Variants in LAMA2 observed in about 807,000 individuals in gnomAD.
LAMA2 encodes the protein laminin subunit alpha-2.
Under a neutral mutation model 364.8 loss-of-function variants are expected in LAMA2, and 269 were observed. That is an observed-to-expected ratio of 0.74 (90% confidence interval 0.67 to 0.82). LAMA2 has a LOEUF of 0.82. Ranked by LOEUF, LAMA2 falls within the 40% of genes least tolerant of loss-of-function variation. The pLI, the probability that LAMA2 is intolerant of heterozygous loss-of-function variation, is 0.00. For missense variants in LAMA2, 3,807 were observed against 3,873.2 expected (o/e 0.98, Z 0.45); for synonymous variants, 1,379 against 1,370.6 (o/e 1.01, Z -0.14).
At chr6:129,219,448 A>T (rs1783646561) in intron 12 of LAMA2, among the ~76,000 whole-genome samples, 1 of 151,840 alleles carries the variant, frequency 6.6e-6, no homozygotes, top group South Asian at 2.1e-4. Context: ...AACTTGAAAT[A>T]CCATTTGACC....
intron 10 of LAMA2, among the ~76,000 whole-genome samples, chr6:129,186,815 C>T (rs1011841956): frequency 3.3e-5 from 5 of 151,758 alleles, no homozygotes; most frequent in Non-Finnish European, 7.4e-5. Context: ...TATCGTGACT[C>T]TATTTCTCCA....
chr6:129,004,249 G>C (rs1415804962), intron 1 of LAMA2, among the ~76,000 whole-genome samples: 1 of 47,854 alleles, frequency 2.1e-5, no homozygotes, highest in African/African-American at 1.6e-4. Flanking sequence ...TCTGGGGACT[G>C]TGGTGGGGTC....
chr6:129,507,590 T>C lies in LAMA2; in HGVS notation c.8805T>C (p.Phe2935=). 1 of 1,614,214 alleles carries C rather than the reference T, an allele frequency of 6.2e-7. No homozygotes were observed. The highest frequency in any genetic ancestry group is 8.5e-7 in the Non-Finnish European group (1 of 1,180,010). The change falls in exon 62 of 65, where the codon TTT becomes TTC. Residue 2935 remains phenylalanine (F), a synonymous_variant. Transcript: ENST00000421865. ...PTSSFHVGTC[F]ANAQRGTYFD... Reference sequence around the variant, plus strand: ...CCAGCTTCCATGTTGGGACATGTTTTGCAAATGCTCAGAGGGGAACATATT... The same window carrying C: ...CCAGCTTCCATGTTGGGACATGTTTCGCAAATGCTCAGAGGGGAACATATT...
At chr6:129,107,149 C>T (rs1775879351) in intron 4 of LAMA2, among the ~76,000 whole-genome samples, 1 of 152,044 alleles carries the variant, frequency 6.6e-6, no homozygotes, top group Admixed American at 6.6e-5. Context: ...GGGGAATTAC[C>T]TGGATTTGGC....
intron 15 of LAMA2, among the ~76,000 whole-genome samples, chr6:129,266,692 T>C (rs1055329821): frequency 3.9e-5 from 6 of 152,152 alleles, no homozygotes; most frequent in African/African-American, 1.4e-4. Flanking sequence ...AGAATCAAAA[T>C]TGCTTGGGAT....
chr6:129,307,977 G>T (rs1295971395), intron 22 of LAMA2, among the ~76,000 whole-genome samples: 1 of 152,160 alleles, frequency 6.6e-6, no homozygotes, highest in Admixed American at 6.5e-5. Context: ...AGTTAGCACA[G>T]ATGAAATAAT....
Position 128,927,722 on chromosome 6 carries a change from A to G in LAMA2, c.112+44365A>G, listed in dbSNP as rs537546580. 8.5e-5 allele frequency among the ~76,000 whole-genome samples: 13 copies of G among 152,236 alleles called. No homozygotes were observed. In the South Asian group the frequency reaches 1.9e-3, roughly 22 times the overall value. ...GATCCCTATCTTTCTTCCCGTTACT[A>G]TATCAGTGAGCAAGGTCTTGATTCT... is the stretch of plus-strand genomic sequence containing the variant. On this transcript the variant is annotated intron_variant, in intron 1 of 64. Coordinates refer to ENST00000421865, the MANE Select transcript of LAMA2 (RefSeq NM_000426.4).
At chr6:129,294,188 C>G (rs113926742) in intron 20 of LAMA2, among the ~76,000 whole-genome samples, 4 of 152,262 alleles carry the variant, frequency 2.6e-5, no homozygotes, top group African/African-American at 9.6e-5. Flanking sequence ...CTTGGCCAAG[C>G]CAATGGGATA....
chr6:129,105,936 A>G (rs1775794771), intron 4 of LAMA2, among the ~76,000 whole-genome samples: 1 of 152,174 alleles, frequency 6.6e-6, no homozygotes, highest in Non-Finnish European at 1.5e-5. Context: ...CTAGACTGCT[A>G]GCTAAATATT....
At chr6:129,075,704 A>C (rs1352410533) in intron 3 of LAMA2, among the ~76,000 whole-genome samples, 1 of 152,134 alleles carries the variant, frequency 6.6e-6, no homozygotes, top group Non-Finnish European at 1.5e-5. Flanking sequence ...TGGCCTGAAG[A>C]AATTTTCCTG....
chr6:129,127,847 AT>A (rs113465472), intron 4 of LAMA2, among the ~76,000 whole-genome samples: 5,868 of 150,416 alleles, frequency 0.039, 385 homozygotes, highest in African/African-American at 0.14. Context: ...CTCATTTTTA[AT>A]TTTTTTTTCT....
chr6:129,262,409 A>G (rs917594766), intron 15 of LAMA2, among the ~76,000 whole-genome samples: 1 of 152,064 alleles, frequency 6.6e-6, no homozygotes. Context: ...GTGGAGAGAG[A>G]TGCAAAGTGT....
At chr6:129,100,555 A>G (rs1294631632) in intron 4 of LAMA2, among the ~76,000 whole-genome samples, 1 of 152,200 alleles carries the variant, frequency 6.6e-6, no homozygotes, top group Admixed American at 6.5e-5. Context: ...CAGCTCAATG[A>G]TAATATAACT....
chr6:129,249,052 T>C (rs1252053899), intron 12 of LAMA2, among the ~76,000 whole-genome samples: 1 of 152,194 alleles, frequency 6.6e-6, no homozygotes, highest in Non-Finnish European at 1.5e-5. Context: ...TAAAATCCTG[T>C]TTAATCAGCC....
At chr6:129,010,019 A>G (rs141261081) in intron 1 of LAMA2, among the ~76,000 whole-genome samples, 12 of 152,296 alleles carry the variant, frequency 7.9e-5, no homozygotes, top group African/African-American at 2.6e-4. Context: ...TTTCAATGTT[A>G]TTCTGCAGCA....
chr6:129,430,247 A>G (rs1030463051), intron 41 of LAMA2, among the ~76,000 whole-genome samples: 3 of 152,168 alleles, frequency 2.0e-5, no homozygotes, highest in African/African-American at 4.8e-5. Flanking sequence ...AGATTTAGTC[A>G]TTTCTCTCTC....
At chr6:129,099,009 C>T (rs996942674) in intron 4 of LAMA2, among the ~76,000 whole-genome samples, 1 of 152,008 alleles carries the variant, frequency 6.6e-6, no homozygotes, top group Non-Finnish European at 1.5e-5. Flanking sequence ...CAGTGTCTGT[C>T]ATCCTGTGGT....
Position 129,378,054 on chromosome 6 carries a change from A to T in LAMA2, c.4960-5068A>T, listed in dbSNP as rs191366020. 3.9e-5 allele frequency among the ~76,000 whole-genome samples: 6 copies of T among 152,342 alleles called. No individual in the cohort carries two copies. The East Asian group carries it at 1.2e-3, about 29-fold the overall frequency. ...CAAGAGAGATACAAGATACTGTGTA[A>T]GGCATCATTTACAAAGGAACACTGT... On this transcript the variant is annotated intron_variant, in intron 34 of 64. Transcript: ENST00000421865.
rs1198439502 is a variant in LAMA2, at chr6:128,942,101, A to T, written c.112+58744A>T. 2.0e-5 allele frequency among the ~76,000 whole-genome samples: 3 copies of T among 152,222 alleles called. No homozygotes were observed. In the East Asian group the frequency reaches 5.8e-4, roughly 29 times the overall value. On this transcript the variant is annotated intron_variant, in intron 1 of 64. Coordinates refer to ENST00000421865, the MANE Select transcript of LAMA2 (RefSeq NM_000426.4). ...ACTAAACAACGGAAGCACAAATAGT[A>T]TGACCTTCTCTTGACTTCTACTTGC... is the stretch of plus-strand genomic sequence containing the variant.
Sources: allele counts gnomAD v4.1 joint callset (sites outside exome capture counted in the v4.1 genomes callset), GRCh38; gene constraint gnomAD v4.1.1; transcripts MANE v1.5; gene names NCBI Gene and HGNC (gene_info 2026-07-23, HGNC 2026-07-21).